Variants in HPSE2 observed in about 807,000 individuals in gnomAD.
The protein encoded by HPSE2 is heparanase 2 (inactive), also known as inactive heparanase-2.
HPSE2 carries 38 observed loss-of-function variants against 60.5 expected under a neutral mutation model. That is an observed-to-expected ratio of 0.63 (90% CI 0.48 to 0.82). The LOEUF is 0.82. Among genes scored for constraint, HPSE2 ranks in the 40% least tolerant of loss-of-function variants. The probability of loss-of-function intolerance (pLI) is 0.00; values close to 1 mark genes in which losing one functional copy is unlikely to be tolerated. For synonymous variants in HPSE2, 295 were observed against 293.2 expected, an observed-to-expected ratio of 1.01 and a Z score of -0.06; for missense variants, 713 against 740.4, an observed-to-expected ratio of 0.96 and a Z score of 0.43.
chr10:98,524,546 A>G (rs1331248626), intron 9 of HPSE2, among the ~76,000 whole-genome samples: 1 of 152,236 alleles, frequency 6.6e-6, no homozygotes, highest in East Asian at 1.9e-4. Flanking sequence ...ACTTCTCTGT[A>G]TTAGCCAACC....
the HPSE2 span, among the ~76,000 whole-genome samples, chr10:99,261,384 C>T: frequency 6.6e-6 from 1 of 152,296 alleles, no homozygotes; most frequent in South Asian, 2.1e-4. Context: ...TCGAATAGCC[C>T]TCCCCAACCT....
intron 3 of HPSE2, among the ~76,000 whole-genome samples, chr10:99,007,767 T>A (rs1239808630): frequency 2.0e-5 from 3 of 152,108 alleles, no homozygotes; most frequent in Non-Finnish European, 4.4e-5. Flanking sequence ...GATGACAAAA[T>A]GGGAGCAGGG....
intron 3 of HPSE2, among the ~76,000 whole-genome samples, chr10:98,791,186 T>G (rs1361060773): frequency 6.6e-6 from 1 of 152,212 alleles, no homozygotes; most frequent in Non-Finnish European, 1.5e-5. Flanking sequence ...GTTTTTCCTT[T>G]TAGAACATGA....
In HPSE2 at chr10:98,650,654, A is replaced by G. The variant is rs146415260; in HGVS notation, c.1005-8714T>C. Among the ~76,000 whole-genome samples the G allele has an allele frequency of 2.7e-3, 404 of 152,332 alleles. 3 individuals are homozygous for G. The highest frequency in any genetic ancestry group is 9.2e-3 in the African/African-American group (381 of 41,584). ...TATTCTTATTTTTCTATATTTAGAC[A>G]TACTGAGCCTGGTGTAAAAACACAG... On this transcript the variant is annotated intron_variant, in intron 6 of 11. Transcript: ENST00000370552.
chr10:98,898,856 C>T (rs2134969860), intron 3 of HPSE2, among the ~76,000 whole-genome samples: 1 of 152,210 alleles, frequency 6.6e-6, no homozygotes, highest in Non-Finnish European at 1.5e-5. Flanking sequence ...ATTTGGAAAA[C>T]TGATTTTGAC....
chr10:99,027,225 G>C (rs7912212), intron 3 of HPSE2, among the ~76,000 whole-genome samples: 23,953 of 149,496 alleles, frequency 0.16, 2,748 homozygotes, highest in African/African-American at 0.32. Context: ...CCTTTAGTCA[G>C]ACTGACAAAA....
At chr10:99,261,542 C>T in the HPSE2 span, among the ~76,000 whole-genome samples, 4 of 152,168 alleles carry the variant, frequency 2.6e-5, no homozygotes, top group Non-Finnish European at 5.9e-5. Context: ...GTTCATGGCC[C>T]ATTTGGCAAC....
At chr10:98,972,959 C>T (rs1955994747) in intron 3 of HPSE2, among the ~76,000 whole-genome samples, 1 of 152,058 alleles carries the variant, frequency 6.6e-6, no homozygotes, top group African/African-American at 2.4e-5. Flanking sequence ...TACAGATGAC[C>T]AGGTTTTTAA....
intron 3 of HPSE2, among the ~76,000 whole-genome samples, chr10:98,977,881 T>C (rs1016752878): frequency 6.6e-6 from 1 of 151,584 alleles, no homozygotes; most frequent in Non-Finnish European, 1.5e-5. Context: ...AAATTATTTA[T>C]GTATATAAAT....
intron 3 of HPSE2, among the ~76,000 whole-genome samples, chr10:98,765,621 T>G (rs951268647): frequency 1.3e-5 from 2 of 151,840 alleles, no homozygotes; most frequent in Admixed American, 1.3e-4. Context: ...GGGTGGATCA[T>G]GAGGTCAGGA....
intron 3 of HPSE2, among the ~76,000 whole-genome samples, chr10:98,881,593 C>T (rs533270609): frequency 1.9e-4 from 29 of 152,066 alleles, no homozygotes; most frequent in East Asian, 5.8e-4. Flanking sequence ...AGGATGTTTT[C>T]GAATAATAAT....
the HPSE2 span, among the ~76,000 whole-genome samples, chr10:99,254,200 G>A: frequency 6.6e-6 from 1 of 152,034 alleles, no homozygotes; most frequent in Admixed American, 6.6e-5. Flanking sequence ...AAGAAAATGT[G>A]GTACAGATAC....
At chr10:98,631,930 C>T (rs1441590759) in intron 7 of HPSE2, among the ~76,000 whole-genome samples, 1 of 152,164 alleles carries the variant, frequency 6.6e-6, no homozygotes, top group Non-Finnish European at 1.5e-5. Flanking sequence ...AGGACACCCA[C>T]CCTAGATTAT....
intron 3 of HPSE2, among the ~76,000 whole-genome samples, chr10:98,853,455 C>A (rs572408949): frequency 6.6e-6 from 1 of 152,224 alleles, no homozygotes; most frequent in East Asian, 1.9e-4. Flanking sequence ...AAAGAGTTCC[C>A]TATCTTTATT....
chr10:98,697,304 G>A (rs754563526), intron 5 of HPSE2, among the ~76,000 whole-genome samples: 9 of 152,118 alleles, frequency 5.9e-5, no homozygotes, highest in Non-Finnish European at 1.2e-4. Flanking sequence ...AGTTTCGAGA[G>A]GAACATAAAT....
Position 98,626,327 on chromosome 10 carries a change from G to A in HPSE2, c.1099-5619C>T, listed in dbSNP as rs146775650. ...TTGTTGTGTGCTTTAGTGCCACATC[G>A]TTTATTGTACATTTGTATAATTATT... On this transcript the variant is annotated intron_variant, in intron 7 of 11. Coordinates refer to ENST00000370552, the MANE Select transcript of HPSE2 (RefSeq NM_021828.5). Among the ~76,000 whole-genome samples the A allele has an allele frequency of 2.7e-3, 406 of 152,146 alleles. 3 individuals are homozygous for A. The highest frequency in any genetic ancestry group is 9.3e-3 in the African/African-American group (385 of 41,502).
At chr10:99,180,896 A>C (rs1159061191) in intron 2 of HPSE2, among the ~76,000 whole-genome samples, 2 of 142,784 alleles carry the variant, frequency 1.4e-5, no homozygotes, top group African/African-American at 5.1e-5. Context: ...TCTCAAAAAA[A>C]AAAAAAAAAA....
chr10:98,732,561 T>C (rs1167073168), intron 4 of HPSE2, among the ~76,000 whole-genome samples: 2 of 152,128 alleles, frequency 1.3e-5, no homozygotes, highest in African/African-American at 4.8e-5. Flanking sequence ...TAAATGGTAC[T>C]GGGAATCTCT....
intron 3 of HPSE2, among the ~76,000 whole-genome samples, chr10:98,942,157 G>A (rs1363351110): frequency 7.2e-6 from 1 of 138,018 alleles, no homozygotes; most frequent in Non-Finnish European, 1.5e-5. Flanking sequence ...TACCATTCAG[G>A]ACATAGGCAT....
Sources: gnomAD v4.1 joint callset for allele counts (sites outside exome capture counted in the v4.1 genomes callset) on GRCh38, gnomAD v4.1.1 for gene constraint, MANE v1.5 for transcripts, NCBI Gene and HGNC (gene_info 2026-07-23, HGNC 2026-07-21) for gene names.